The following TNN variants were observed in gnomAD, a reference collection of about 807,000 sequenced individuals.
TNN encodes the protein tenascin-N.
Under a neutral mutation model 134.4 loss-of-function variants are expected in TNN, and 122 were observed. That is an observed-to-expected ratio of 0.91 (90% CI 0.78 to 1.06). The LOEUF (loss-of-function observed/expected upper bound fraction) is 1.06, where lower values mean the gene tolerates loss of function less well. TNN is among the 50% of genes least tolerant of loss of function. The pLI is 0.00. For missense variants in TNN, 1,739 were observed against 1,699.4 expected, an observed-to-expected ratio of 1.02 and a Z score of -0.41; for synonymous variants, 710 against 670.3, an observed-to-expected ratio of 1.06 and a Z score of -0.91.
intron 1 of TNN, among the ~76,000 whole-genome samples, chr1:175,076,425 G>A (rs757845850): frequency 8.5e-5 from 13 of 152,162 alleles, no homozygotes; most frequent in African/African-American, 2.9e-4. Flanking sequence ...ACAGGCTCAC[G>A]GCCTAAGACA....
intron 9 of TNN, among the ~76,000 whole-genome samples, chr1:175,108,061 G>A (rs1674904616): frequency 6.6e-6 from 1 of 151,732 alleles, no homozygotes; most frequent in Non-Finnish European, 1.5e-5. Flanking sequence ...CAAACCTTGA[G>A]CTAGATACAG....
intron 9 of TNN, among the ~76,000 whole-genome samples, chr1:175,108,496 C>T (rs371018390): frequency 3.6e-4 from 55 of 152,340 alleles, no homozygotes; most frequent in South Asian, 2.1e-4. Flanking sequence ...GACTGGGCGC[C>T]GTGGAGCAGG....
intron 10 of TNN, 72 bp downstream of exon 10, chr1:175,117,277 T>A: frequency 6.3e-7 from 1 of 1,594,058 alleles, no homozygotes; most frequent in Non-Finnish European, 8.5e-7. Flanking sequence ...TTTGTTTTCC[T>A]TCTCTGACAT....
At chr1:175,132,973 G>T (rs967221826) in intron 15 of TNN, among the ~76,000 whole-genome samples, 1 of 152,224 alleles carries the variant, frequency 6.6e-6, no homozygotes, top group East Asian at 1.9e-4. Flanking sequence ...TTACTTCAAG[G>T]CACATGCTGT....
At chr1:175,133,698 A>C (rs1026006488) in intron 15 of TNN, among the ~76,000 whole-genome samples, 1 of 152,054 alleles carries the variant, frequency 6.6e-6, no homozygotes, top group Non-Finnish European at 1.5e-5. Flanking sequence ...TTTTCCCATG[A>C]CTTCATTTTA....
chr1:175,137,917 G>A (rs954745042), intron 17 of TNN, among the ~76,000 whole-genome samples: 4 of 152,188 alleles, frequency 2.6e-5, no homozygotes, highest in Non-Finnish European at 5.9e-5. Flanking sequence ...AGTCAAATAA[G>A]GGGTGAGAAA....
intron 9 of TNN, among the ~76,000 whole-genome samples, chr1:175,116,470 A>G (rs559748421): frequency 2.0e-5 from 3 of 152,216 alleles, no homozygotes; most frequent in Non-Finnish European, 2.9e-5. Context: ...AGTCACAAAA[A>G]CAAGTTAGTA....
rs1345748534 is a variant in TNN at position 175,123,909 on chromosome 1, C to CGCTCA, written c.2914+248_2914+252dup. ...TCCCTCACCCCTCCACCCGGCCCAG[C>CGCTCA]GCTCAGAATCTCCACACTTGCTATG... On this transcript the variant is annotated intron_variant, in intron 12 of 18. Transcript: ENST00000239462. 5.9e-5 allele frequency among the ~76,000 whole-genome samples: 9 copies of CGCTCA among 152,336 alleles called. No homozygotes were observed. In the East Asian group the frequency reaches 1.7e-3, roughly 29 times the overall value.
At chr1:175,137,261 G>A (rs1574178903) in intron 17 of TNN, among the ~76,000 whole-genome samples, 1 of 151,960 alleles carries the variant, frequency 6.6e-6, no homozygotes, top group East Asian at 1.9e-4. Flanking sequence ...TATTCAGGCT[G>A]TTGTACATTA....
chr1:175,124,289 A>T, intron 12 of TNN, among the ~76,000 whole-genome samples: 1 of 152,196 alleles, frequency 6.6e-6, no homozygotes. Flanking sequence ...TATGGTTTTT[A>T]TTAGTTAAAA....
At chr1:175,099,574 G>A (rs1305929382) in intron 9 of TNN, among the ~76,000 whole-genome samples, 5 of 107,714 alleles carry the variant, frequency 4.6e-5, no homozygotes, top group Non-Finnish European at 1.1e-4. Flanking sequence ...CCTGGAAGAG[G>A]AGAGATGAGG....
intron 17 of TNN, among the ~76,000 whole-genome samples, chr1:175,144,011 G>A (rs931873534): frequency 1.4e-4 from 22 of 152,298 alleles, no homozygotes; most frequent in Non-Finnish European, 2.8e-4. Flanking sequence ...TCCAGGTCTG[G>A]GTGGTGTGGA....
chr1:175,126,902 C>T, intron 12 of TNN, 53 bp from the exon 13 acceptor site: 3 of 1,551,288 alleles, frequency 1.9e-6, no homozygotes, highest in East Asian at 2.3e-5. Flanking sequence ...TCAAAAATTA[C>T]CTTGCCTCAG....
chr1:175,111,485 TCA>T (rs1491480754), intron 9 of TNN, among the ~76,000 whole-genome samples: 1 of 38,106 alleles, frequency 2.6e-5, no homozygotes, highest in East Asian at 8.1e-4. Flanking sequence ...AGACTCTGTC[TCA>T]AAAAAAAAAA....
intron 8 of TNN, 49 bp from the exon 9 acceptor site, chr1:175,098,283 G>A (rs749244897): frequency 6.2e-7 from 1 of 1,612,982 alleles, no homozygotes; most frequent in Admixed American, 1.7e-5. Flanking sequence ...GTAAGGATAT[G>A]TCTTCCATGG....
At chr1:175,118,091 C>G (rs1005157272) in intron 10 of TNN, among the ~76,000 whole-genome samples, 31 of 152,202 alleles carry the variant, frequency 2.0e-4, no homozygotes, top group African/African-American at 7.5e-4. Context: ...GAATAGGATG[C>G]TGCCCTCTTC....
rs138086357 is a variant in TNN at position 175,099,428 on chromosome 1, A to AG, written c.2119+834dup. ...TCAGGAGGAGAAGAGGTAAGGGGTC[A>AG]GAGGAGGAGAAGTGAGGGGTCAGTA... On this transcript the variant is annotated intron_variant, in intron 9 of 18. Coordinates refer to ENST00000239462, the MANE Select transcript of TNN (RefSeq NM_022093.2). Among the ~76,000 whole-genome samples, 711 of 150,786 alleles carry AG rather than the reference A, an allele frequency of 4.7e-3. 5 individuals are homozygous for AG. Among genetic ancestry groups the AG allele is most frequent in the African/African-American group, 0.017 (686 of 40,956 alleles).
chr1:175,083,546 T>C (rs1674248449), intron 4 of TNN, among the ~76,000 whole-genome samples: 1 of 152,182 alleles, frequency 6.6e-6, no homozygotes, highest in South Asian at 2.1e-4. Context: ...CAAAAGACAG[T>C]CTGCCCATGG....
intron 13 of TNN, among the ~76,000 whole-genome samples, chr1:175,127,625 C>T (rs548561552): frequency 2.0e-5 from 3 of 152,334 alleles, no homozygotes; most frequent in South Asian, 2.1e-4. Flanking sequence ...TCAACTATCT[C>T]CTTGTCTCAG....
Sources: allele counts gnomAD v4.1 joint callset (sites outside exome capture counted in the v4.1 genomes callset), GRCh38; gene constraint gnomAD v4.1.1; transcripts MANE v1.5; gene names NCBI Gene and HGNC (gene_info 2026-07-23, HGNC 2026-07-21).